Variants in TMEM132D observed in about 807,000 individuals in gnomAD.
TMEM132D encodes the protein transmembrane protein 132D.
A neutral mutation model predicts 62.3 loss-of-function variants in TMEM132D; 21 were observed. The observed-to-expected ratio is 0.34, with a 90% CI of 0.24 to 0.49. The LOEUF (loss-of-function observed/expected upper bound fraction) is 0.49. Among genes scored for constraint, TMEM132D ranks in the 20% least tolerant of loss-of-function variants. TMEM132D has a pLI of 0.99. For synonymous variants in TMEM132D, 621 were observed against 575.6 expected, an observed-to-expected ratio of 1.08 and a Z score of -1.13; for missense variants, 1,346 against 1,402.8, an observed-to-expected ratio of 0.96 and a Z score of 0.65.
At chr12:129,766,487 T>C (rs1347365195) in intron 1 of TMEM132D, among the ~76,000 whole-genome samples, 1 of 152,188 alleles carries the variant, frequency 6.6e-6, no homozygotes, top group African/African-American at 2.4e-5. Flanking sequence ...AATATGCCTC[T>C]CTGACACAAA....
Position 129,699,911 on chromosome 12 carries a change from G to A in TMEM132D, c.867C>T (p.Ser289=), listed in dbSNP as rs1437970397. 1.2e-6 allele frequency: 2 copies of A among 1,614,052 alleles called. No individual in the cohort carries two copies. The highest frequency in any genetic ancestry group is 1.7e-6 in the Non-Finnish European group (2 of 1,180,034). ...PSLRELRLDN[S]VAIHYIPKTV... The stretch of plus-strand genomic sequence containing the variant: ...TCTTTGGTATATAGTGGATGGCCAC[G>A]CTGTTGTCCAGACGCAGTTCTCTCA... The change falls in exon 2 of 9, where the codon AGC becomes AGT. Residue 289 remains serine, a synonymous_variant. Coordinates refer to ENST00000422113, the MANE Select transcript of TMEM132D (RefSeq NM_133448.3).
intron 2 of TMEM132D, among the ~76,000 whole-genome samples, chr12:129,540,787 C>T (rs116985106): frequency 1.4e-4 from 21 of 152,260 alleles, no homozygotes; most frequent in African/African-American, 4.8e-4. Flanking sequence ...ACCATGCCAG[C>T]CTCATTCAAC....
chr12:129,815,249 AAAAAAAATCCACAG>A (rs1375087850), intron 1 of TMEM132D, among the ~76,000 whole-genome samples: 5 of 152,088 alleles, frequency 3.3e-5, no homozygotes, highest in Admixed American at 1.3e-4. Context: ...TTCTACCACA[AAAAAAAATCCACAG>A]AAAAAAATCC....
intron 6 of TMEM132D, among the ~76,000 whole-genome samples, chr12:129,082,315 G>A (rs1367859691): frequency 6.6e-6 from 1 of 152,188 alleles, no homozygotes; most frequent in East Asian, 1.9e-4. Context: ...CCCTTTGAGT[G>A]TGGGCTGGAC....
chr12:129,237,410 A>G (rs971381378), intron 4 of TMEM132D, among the ~76,000 whole-genome samples: 2 of 152,108 alleles, frequency 1.3e-5, no homozygotes, highest in Admixed American at 1.3e-4. Flanking sequence ...GCTCTGCTTT[A>G]TTCCATAAAT....
intron 1 of TMEM132D, among the ~76,000 whole-genome samples, chr12:129,894,793 C>T (rs1875049912): frequency 6.6e-6 from 1 of 151,948 alleles, no homozygotes; most frequent in Non-Finnish European, 1.5e-5. Flanking sequence ...TCTTATTAAG[C>T]TTATTTTCAT....
chr12:129,161,896 G>C (rs1186102745), intron 5 of TMEM132D, among the ~76,000 whole-genome samples: 1 of 152,182 alleles, frequency 6.6e-6, no homozygotes, highest in Non-Finnish European at 1.5e-5. Context: ...ATATCGAAAT[G>C]TTGAATGACC....
At chr12:129,159,761 A>C (rs1877346159) in intron 5 of TMEM132D, among the ~76,000 whole-genome samples, 3 of 94,586 alleles carry the variant, frequency 3.2e-5, no homozygotes, top group South Asian at 3.5e-4. Context: ...TCGGGCTCAA[A>C]AAAAAAAAAA....
At chr12:129,559,586 G>A (rs557472637) in intron 2 of TMEM132D, among the ~76,000 whole-genome samples, 4 of 152,174 alleles carry the variant, frequency 2.6e-5, no homozygotes, top group Non-Finnish European at 5.9e-5. Flanking sequence ...CCATCTAAGA[G>A]CATAAATGGT....
chr12:129,431,035 C>T (rs530362865), intron 3 of TMEM132D, among the ~76,000 whole-genome samples: 1 of 152,310 alleles, frequency 6.6e-6, no homozygotes, highest in Non-Finnish European at 1.5e-5. Flanking sequence ...GGTGCAATCC[C>T]AGAAATTCAG....
chr12:129,749,756 C>T (rs747915713), intron 1 of TMEM132D, among the ~76,000 whole-genome samples: 8 of 152,124 alleles, frequency 5.3e-5, no homozygotes, highest in East Asian at 1.9e-4. Context: ...TGAGCCACCG[C>T]GCCTAGCCTA....
intron 3 of TMEM132D, among the ~76,000 whole-genome samples, chr12:129,440,552 T>C (rs186577781): frequency 3.0e-4 from 45 of 152,312 alleles, no homozygotes; most frequent in African/African-American, 1.1e-3. Context: ...AATACACTTC[T>C]CATATATCCC....
At chr12:129,833,541 C>A (rs1872909439) in intron 1 of TMEM132D, among the ~76,000 whole-genome samples, 1 of 152,144 alleles carries the variant, frequency 6.6e-6, no homozygotes, top group Non-Finnish European at 1.5e-5. Context: ...GGGAGGATCG[C>A]TTGAGCCCAG....
At chr12:129,502,017 G>A (rs1319052955) in intron 3 of TMEM132D, among the ~76,000 whole-genome samples, 1 of 148,736 alleles carries the variant, frequency 6.7e-6, no homozygotes, top group Admixed American at 6.7e-5. Flanking sequence ...TTTTTCTTTT[G>A]AGAGATGGAG....
At chr12:129,101,571 G>A (rs1875309133) in intron 5 of TMEM132D, among the ~76,000 whole-genome samples, 1 of 152,214 alleles carries the variant, frequency 6.6e-6, no homozygotes. Context: ...AGAGGAAACT[G>A]AAACTCCTCA....
At chr12:129,368,145 C>A (rs778687515) in intron 3 of TMEM132D, among the ~76,000 whole-genome samples, 1 of 151,950 alleles carries the variant, frequency 6.6e-6, no homozygotes, top group African/African-American at 2.4e-5. Context: ...ATTAAAATAC[C>A]GAGTGACACT....
intron 1 of TMEM132D, among the ~76,000 whole-genome samples, chr12:129,841,881 G>A (rs564861151): frequency 3.3e-5 from 5 of 150,230 alleles, no homozygotes; most frequent in South Asian, 4.2e-4. Flanking sequence ...GCTGATATTC[G>A]TTGAGCACCT....
intron 1 of TMEM132D, among the ~76,000 whole-genome samples, chr12:129,717,860 G>T (rs1325659221): frequency 6.6e-6 from 1 of 152,302 alleles, no homozygotes; most frequent in East Asian, 1.9e-4. Context: ...GGTTGTTCAA[G>T]TTGTGAATGT....
In TMEM132D at chr12:129,262,072, C is replaced by T. The variant is rs191644601; in HGVS notation, c.1300-52409G>A. ...GAGGGATGGGTCTTTTTTCTGGAAA[C>T]CCCTGGCTGAAAATTTGCATCCAGA... is the stretch of plus-strand genomic sequence containing the variant. On this transcript the variant is annotated intron_variant, in intron 4 of 8. Transcript: ENST00000422113. Among the ~76,000 whole-genome samples the T allele has an allele frequency of 6.2e-4, 95 of 152,152 alleles. 1 individual carries two copies. In the South Asian group the frequency reaches 7.1e-3, roughly 11 times the overall value.
Sources: allele counts gnomAD v4.1 joint callset (sites outside exome capture counted in the v4.1 genomes callset), GRCh38; gene constraint gnomAD v4.1.1; transcripts MANE v1.5; gene names NCBI Gene and HGNC (gene_info 2026-07-23, HGNC 2026-07-21).